ANK1: variants seen among roughly 807,000 people sequenced by gnomAD.
The protein encoded by ANK1 is ankyrin 1.
ANK1 carries 51 observed loss-of-function variants against 210.4 expected under a neutral mutation model. That is an observed-to-expected ratio of 0.24 (90% confidence interval 0.19 to 0.31). ANK1 has a LOEUF of 0.31. Ranked by LOEUF, ANK1 falls within the 10% of genes least tolerant of loss-of-function variation. ANK1 has a pLI of 1.00. For missense variants in ANK1, 2,051 were observed against 2,504.4 expected, an observed-to-expected ratio of 0.82 and a Z score of 3.86; for synonymous variants, 967 against 1,025.9, an observed-to-expected ratio of 0.94 and a Z score of 1.10.
intron 37 of ANK1, among the ~76,000 whole-genome samples, chr8:41,675,811 A>G (rs1315504619): frequency 6.6e-6 from 1 of 152,150 alleles, no homozygotes; most frequent in Non-Finnish European, 1.5e-5. Context: ...GCTTTTTGCC[A>G]CTACACATCA....
At chr8:41,789,858 C>T (rs1847263089) in intron 1 of ANK1, among the ~76,000 whole-genome samples, 1 of 152,208 alleles carries the variant, frequency 6.6e-6, no homozygotes, top group Non-Finnish European at 1.5e-5. Flanking sequence ...AAGTGCTGTG[C>T]TTCTTGTATG....
At position 41,719,642 on chromosome 8, in the gene ANK1, C is replaced by T. The variant is rs758154420; in HGVS notation, c.1107+19G>A. ...CTGCCCTGCCACTCTGCACCTTCTC[C>T]AGCAGCACCCCCACTCACCAGGGCT... On this transcript the variant is annotated intron_variant, in intron 10 of 42. Coordinates refer to ENST00000289734, the MANE Select transcript of ANK1 (RefSeq NM_000037.4). 81 of 1,614,026 alleles carry T rather than the reference C, an allele frequency of 5.0e-5. No homozygotes were observed. In the South Asian group the frequency reaches 5.4e-4, roughly 11 times the overall value.
intron 15 of ANK1, among the ~76,000 whole-genome samples, 189 bp downstream of exon 15, chr8:41,714,787 G>A (rs968746604): frequency 3.9e-5 from 6 of 152,164 alleles, no homozygotes; most frequent in African/African-American, 1.4e-4. Context: ...CTTGAGCCCA[G>A]GAGTCAAAAT....
chr8:41,752,255 G>A (rs769185287), intron 2 of ANK1, among the ~76,000 whole-genome samples: 19 of 152,106 alleles, frequency 1.2e-4, no homozygotes, highest in East Asian at 1.9e-4. Context: ...GGCCACGAGC[G>A]CGCAGACTAT....
At chr8:41,816,524 G>A (rs778220838) in intron 1 of ANK1, among the ~76,000 whole-genome samples, 4 of 151,958 alleles carry the variant, frequency 2.6e-5, no homozygotes, top group East Asian at 3.9e-4. Flanking sequence ...CTACAACCTC[G>A]AACTTCTGGG....
At chr8:41,891,224 A>T (rs1286065792) in intron 1 of ANK1, among the ~76,000 whole-genome samples, 1 of 152,066 alleles carries the variant, frequency 6.6e-6, no homozygotes, top group Admixed American at 6.6e-5. Flanking sequence ...CATAGGACAC[A>T]CTCGCCACTA....
intron 37 of ANK1, among the ~76,000 whole-genome samples, chr8:41,683,806 G>A (rs1010112303): frequency 2.6e-5 from 4 of 152,188 alleles, no homozygotes; most frequent in Non-Finnish European, 4.4e-5. Context: ...GGGGGCGGGC[G>A]AGGAAGGTGT....
At chr8:41,880,251 C>A (rs1215896347) in intron 1 of ANK1, among the ~76,000 whole-genome samples, 1 of 152,202 alleles carries the variant, frequency 6.6e-6, no homozygotes, top group Non-Finnish European at 1.5e-5. Flanking sequence ...TGCTTTCACG[C>A]TCCGCCGGCG....
At chr8:41,666,631 G>T (rs1810633290) in intron 39 of ANK1, among the ~76,000 whole-genome samples, 1 of 152,218 alleles carries the variant, frequency 6.6e-6, no homozygotes, top group African/African-American at 2.4e-5. Flanking sequence ...TGTTTTCAGA[G>T]GTCCAGTGGA....
chr8:41,770,577 C>T (rs1164112453), intron 1 of ANK1, among the ~76,000 whole-genome samples: 1 of 152,202 alleles, frequency 6.6e-6, no homozygotes, highest in Non-Finnish European at 1.5e-5. Flanking sequence ...GGACCAGAAG[C>T]TGAATACAAC....
rs113127490 is a variant in ANK1, at chr8:41,793,559, G to A, written c.27+3953C>T. Among the ~76,000 whole-genome samples, 1,057 of 152,316 alleles carry A rather than the reference G, an allele frequency of 6.9e-3. 18 individuals carry two copies. Among genetic ancestry groups the A allele is most frequent in the African/African-American group, 0.024 (1,017 of 41,556 alleles). ...GCACTTTGGTTGTGTGTGAAGAATG[G>A]ATTAGAGGGAGTGAGACCACCTGTA... On this transcript the variant is annotated intron_variant, in intron 1 of 42. Transcript: ENST00000289734.
At chr8:41,806,086 A>T (rs1389853681) in intron 1 of ANK1, among the ~76,000 whole-genome samples, 3 of 152,230 alleles carry the variant, frequency 2.0e-5, no homozygotes, top group Admixed American at 6.5e-5. Context: ...TTGCTGTATT[A>T]TGAAGAATTT....
chr8:41,711,333 T>A (rs1235634710), intron 16 of ANK1, among the ~76,000 whole-genome samples: 1 of 152,164 alleles, frequency 6.6e-6, no homozygotes, highest in African/African-American at 2.4e-5. Context: ...CAGAAAAACC[T>A]TAAAAACTGA....
intron 1 of ANK1, among the ~76,000 whole-genome samples, chr8:41,894,862 T>C (rs1199816525): frequency 6.6e-6 from 1 of 152,088 alleles, no homozygotes; most frequent in Non-Finnish European, 1.5e-5. Context: ...TCTCTCTCGG[T>C]GGCACCAACC....
chr8:41,877,646 T>A (rs1816831225), intron 1 of ANK1, among the ~76,000 whole-genome samples: 1 of 152,104 alleles, frequency 6.6e-6, no homozygotes, highest in Admixed American at 6.5e-5. Flanking sequence ...AAAACAGAAA[T>A]AAATAGGACC....
At chr8:41,849,394 A>G (rs974620297) in intron 1 of ANK1, among the ~76,000 whole-genome samples, 1 of 152,136 alleles carries the variant, frequency 6.6e-6, no homozygotes, top group South Asian at 2.1e-4. Context: ...CATGGTGGCA[A>G]GTGCCTATAA....
chr8:41,873,902 A>G (rs906552276), intron 1 of ANK1, among the ~76,000 whole-genome samples: 2 of 152,198 alleles, frequency 1.3e-5, no homozygotes, highest in African/African-American at 4.8e-5. Flanking sequence ...TGGCTGGACA[A>G]GTTACTCCAG....
rs564657727 is a variant in ANK1, at chr8:41,895,732, G to A, written c.126+623C>T. 5.9e-5 allele frequency among the ~76,000 whole-genome samples: 9 copies of A among 152,236 alleles called. No individual in the cohort carries two copies. In the South Asian group the frequency reaches 1.7e-3, roughly 28 times the overall value. The stretch of plus-strand genomic sequence containing the variant: ...GAGCATAAGATGTTGCAAATACCCC[G>A]GGTAGAGGAGAAGGCGCCTTCTTTT... On this transcript the variant is annotated intron_variant, in intron 1 of 42. Coordinates refer to the ANK1 transcript ENST00000265709.
intron 1 of ANK1, among the ~76,000 whole-genome samples, chr8:41,883,205 A>G (rs1817897206): frequency 6.6e-6 from 1 of 152,164 alleles, no homozygotes; most frequent in Admixed American, 6.5e-5. Context: ...TCAACCCACA[A>G]CATGGTCAGC....
Sources: allele counts gnomAD v4.1 joint callset (sites outside exome capture counted in the v4.1 genomes callset), GRCh38; gene constraint gnomAD v4.1.1; transcripts MANE v1.5; gene names NCBI Gene and HGNC (gene_info 2026-07-23, HGNC 2026-07-21).